Variants in EPB41L4A observed in about 807,000 individuals in gnomAD.
EPB41L4A encodes the protein erythrocyte membrane protein band 4.1 like 4A.
In EPB41L4A, 100 loss-of-function variants were observed where a neutral mutation model predicts 108.6. That is an observed-to-expected ratio of 0.92 (90% CI 0.78 to 1.09). The LOEUF (loss-of-function observed/expected upper bound fraction) is 1.09. EPB41L4A is among the 50% of genes least tolerant of loss of function. The pLI is 0.00. For missense variants in EPB41L4A, 1,030 were observed against 842.7 expected (o/e 1.22, Z -2.75); for synonymous variants, 319 against 289.0 (o/e 1.10, Z -1.05).
At chr5:112,148,953 A>G (rs767302599) in intron 12 of EPB41L4A, among the ~76,000 whole-genome samples, 1 of 152,172 alleles carries the variant, frequency 6.6e-6, no homozygotes, top group Non-Finnish European at 1.5e-5. Flanking sequence ...ATGCCTGTGC[A>G]ATTACCATGC....
intron 18 of EPB41L4A, among the ~76,000 whole-genome samples, chr5:112,181,405 C>A (rs531352669): frequency 5.9e-5 from 9 of 151,852 alleles, no homozygotes; most frequent in Admixed American, 3.9e-4. Context: ...TGAGCCGAGA[C>A]TGGCCACTGC....
intron 1 of EPB41L4A, among the ~76,000 whole-genome samples, chr5:112,360,518 G>A (rs1270717619): frequency 6.6e-6 from 1 of 152,178 alleles, no homozygotes; most frequent in Non-Finnish European, 1.5e-5. Flanking sequence ...CGAGTGATCT[G>A]CCAGCCTCGG....
At chr5:112,320,692 A>G (rs1442593713) in intron 1 of EPB41L4A, among the ~76,000 whole-genome samples, 1 of 152,222 alleles carries the variant, frequency 6.6e-6, no homozygotes, top group African/African-American at 2.4e-5. Context: ...TGACGTATTT[A>G]AGACAGAGGT....
At chr5:112,246,673 C>T (rs1750251549) in intron 9 of EPB41L4A, among the ~76,000 whole-genome samples, 3 of 152,110 alleles carry the variant, frequency 2.0e-5, no homozygotes, top group Admixed American at 6.5e-5. Context: ...GTACAGTCAC[C>T]CCAGACACAA....
intron 4 of EPB41L4A, 49 bp downstream of exon 4, chr5:112,275,277 T>A: frequency 6.7e-7 from 1 of 1,495,170 alleles, no homozygotes; most frequent in South Asian, 1.3e-5. Flanking sequence ...ATAAAGCTTT[T>A]TGTATATGCA....
intron 2 of EPB41L4A, among the ~76,000 whole-genome samples, chr5:112,282,419 T>C (rs1753022303): frequency 1.3e-5 from 2 of 152,250 alleles, no homozygotes; most frequent in Non-Finnish European, 2.9e-5. Flanking sequence ...CATTAACACT[T>C]GCATTCGGTT....
chr5:112,362,942 G>A (rs1468003418), intron 1 of EPB41L4A, among the ~76,000 whole-genome samples: 4 of 151,556 alleles, frequency 2.6e-5, no homozygotes, highest in Non-Finnish European at 4.4e-5. Context: ...CAAGATTTCA[G>A]AAACCTTTAT....
chr5:112,346,290 A>G (rs1341127167), intron 1 of EPB41L4A, among the ~76,000 whole-genome samples: 1 of 119,226 alleles, frequency 8.4e-6, no homozygotes, highest in Non-Finnish European at 1.6e-5. Context: ...CAGTGGTGTG[A>G]TCTCGGCTCA....
intron 9 of EPB41L4A, among the ~76,000 whole-genome samples, chr5:112,245,585 G>A (rs35212577): frequency 0.059 from 8,949 of 152,200 alleles, 320 homozygotes; most frequent in Middle Eastern, 0.075. Flanking sequence ...TTTCTGGCTC[G>A]GGTGCTACTA....
rs754005178 is a variant in EPB41L4A, at chr5:112,165,027, T to G, written c.2024A>C (p.Lys675Thr). 2.5e-6 allele frequency: 4 copies of G among 1,613,998 alleles called. No homozygotes were observed. Among genetic ancestry groups the G allele is most frequent in the Non-Finnish European group, 3.4e-6 (4 of 1,179,980 alleles). The change falls in exon 23 of 23, where the codon AAA becomes ACA. Residue 675 changes from lysine to threonine, a missense_variant. Transcript: ENST00000261486. ...CTTGAGGCGGGAAGCTTGTATAGTT[T>G]TTATTGTTTTTGCTGTGTGTTTTCC... ...LAGKHTAKTIKTIQASRLKTE... is the reference protein window; with the variant it reads ...LAGKHTAKTITTIQASRLKTE...
rs745388190 is a variant in EPB41L4A, at chr5:112,205,445, G to A, written c.1238C>T (p.Pro413Leu). Residue 413 changes from proline (P) to leucine (L), a missense_variant, in exon 14 of 23, where the codon CCG (proline) becomes CTG (leucine). By Grantham distance (98) the Pro-to-Leu change is moderately conservative. Transcript: ENST00000261486. The stretch of plus-strand genomic sequence containing the variant: ...CCTCTGGGGGCCATTTTCTTCCCAC[G>A]GTGCATGAGATTTGCTTCTTTGGGT... ...PDTQRSKSHA[P>L]WEENGPQSGL... is the part of the protein sequence containing the mutation. The A allele has an allele frequency of 6.4e-5, 104 of 1,613,292 alleles. 1 individual carries two copies. In the South Asian group the frequency reaches 8.7e-4, roughly 13 times the overall value.
intron 12 of EPB41L4A, among the ~76,000 whole-genome samples, chr5:112,151,924 G>T (rs1322988246): frequency 6.6e-6 from 1 of 151,976 alleles, no homozygotes; most frequent in Non-Finnish European, 1.5e-5. Context: ...TAGAGACAGG[G>T]TTTCACCATG....
chr5:112,418,845 C>G (rs928505082), intron 1 of EPB41L4A, 96 bp downstream of exon 1: 22 of 922,256 alleles, frequency 2.4e-5, no homozygotes, highest in Non-Finnish European at 3.4e-5. Flanking sequence ...GAGTCGCGGC[C>G]GCCGCCCTCG....
chr5:112,177,668 T>C (rs1760937217), intron 18 of EPB41L4A, among the ~76,000 whole-genome samples: 1 of 152,108 alleles, frequency 6.6e-6, no homozygotes, highest in African/African-American at 2.4e-5. Context: ...AAATAAAATA[T>C]ATGACAATAG....
chr5:112,354,304 C>G (rs1378416580), intron 1 of EPB41L4A, among the ~76,000 whole-genome samples: 1 of 151,998 alleles, frequency 6.6e-6, no homozygotes, highest in Non-Finnish European at 1.5e-5. Flanking sequence ...TCGCCAAAGG[C>G]CTAAATCTAT....
chr5:112,212,840 A>G (rs985442942), intron 12 of EPB41L4A, among the ~76,000 whole-genome samples: 1 of 152,136 alleles, frequency 6.6e-6, no homozygotes, highest in East Asian at 1.9e-4. Context: ...GCTTAAGAAA[A>G]GACCTAGGTT....
intron 9 of EPB41L4A, among the ~76,000 whole-genome samples, chr5:112,252,779 C>T (rs938660481): frequency 6.6e-6 from 1 of 151,858 alleles, no homozygotes; most frequent in Non-Finnish European, 1.5e-5. Context: ...GACCCCAAGC[C>T]TCACCGTCAC....
intron 1 of EPB41L4A, among the ~76,000 whole-genome samples, chr5:112,379,128 TG>T (rs1046984274): frequency 2.0e-5 from 3 of 152,092 alleles, no homozygotes; most frequent in Non-Finnish European, 4.4e-5. Flanking sequence ...GCGAGCACCC[TG>T]GGGGGGTCAA....
chr5:112,359,624 T>A (rs907224864), intron 1 of EPB41L4A, among the ~76,000 whole-genome samples: 6 of 151,806 alleles, frequency 4.0e-5, no homozygotes, highest in African/African-American at 7.3e-5. Context: ...CACTGCCAGC[T>A]CCGCCTCCCG....
Sources: gnomAD v4.1 joint callset for allele counts (sites outside exome capture counted in the v4.1 genomes callset) on GRCh38, gnomAD v4.1.1 for gene constraint, MANE v1.5 for transcripts, NCBI Gene and HGNC (gene_info 2026-07-23, HGNC 2026-07-21) for gene names.